The following MAGI2 variants were observed in gnomAD, a reference collection of about 807,000 sequenced individuals.
MAGI2 encodes the protein membrane associated guanylate kinase, WW and PDZ domain containing 2.
In MAGI2, 35 loss-of-function variants were observed where a neutral mutation model predicts 133.3. The ratio of observed to expected loss-of-function variants is 0.26; its 90% CI spans 0.20 to 0.35. The LOEUF is 0.35. MAGI2 is among the 10% of genes least tolerant of loss of function. The pLI is 1.00. For synonymous variants in MAGI2, 729 were observed against 710.6 expected, an observed-to-expected ratio of 1.03 and a Z score of -0.41; for missense variants, 1,636 against 1,863.4, an observed-to-expected ratio of 0.88 and a Z score of 2.25.
At chr7:78,889,534 C>A (rs1642900) in intron 2 of MAGI2, among the ~76,000 whole-genome samples, 57,920 of 152,058 alleles carry the variant, frequency 0.38, 12,471 homozygotes, top group South Asian at 0.58. Flanking sequence ...GATCTCTCAG[C>A]AGAAACTCTA....
chr7:78,415,711 G>T (rs1253607238), intron 6 of MAGI2, among the ~76,000 whole-genome samples: 2 of 152,098 alleles, frequency 1.3e-5, no homozygotes, highest in African/African-American at 4.8e-5. Flanking sequence ...AAGTAGATTT[G>T]TCAGCAGTGG....
At chr7:78,418,745 A>G (rs1474838422) in intron 6 of MAGI2, among the ~76,000 whole-genome samples, 1 of 152,158 alleles carries the variant, frequency 6.6e-6, no homozygotes, top group African/African-American at 2.4e-5. Context: ...GTCTCATCTG[A>G]AAAGGGCAAA....
intron 10 of MAGI2, among the ~76,000 whole-genome samples, chr7:78,234,549 TATA>T (rs1397102706): frequency 9.2e-6 from 1 of 109,084 alleles, no homozygotes; most frequent in Non-Finnish European, 2.2e-5. Flanking sequence ...TTATATTCAT[TATA>T]ATATAATGAA....
At chr7:78,177,808 A>G (rs903768376) in intron 14 of MAGI2, among the ~76,000 whole-genome samples, 1 of 152,202 alleles carries the variant, frequency 6.6e-6, no homozygotes, top group Non-Finnish European at 1.5e-5. Context: ...TGTGATTTCT[A>G]AAGAGATATT....
Position 78,243,224 on chromosome 7 carries a change from TACACACACACACAC to T in MAGI2, c.2047+12705_2047+12718del, listed in dbSNP as rs539437959. On this transcript the variant is annotated intron_variant, in intron 10 of 21. Transcript: ENST00000354212. ...GCAACCTACCCTCAAATGGTTCAGA[TACACACACACACAC>T]ACACACACACACACACACACACACA... is the stretch of plus-strand genomic sequence containing the variant. Among the ~76,000 whole-genome samples, 14 of 140,720 alleles carry T rather than the reference TACACACACACACAC, an allele frequency of 9.9e-5. No homozygotes were observed. The South Asian group carries it at 1.2e-3, about 12-fold the overall frequency. The allele number at this position is 140,720 out of a possible 152,430, so 92.3% of individuals were successfully genotyped here. A position where few individuals can be genotyped will look rare whatever the true frequency, so the allele number is the denominator to read the frequency against.
intron 2 of MAGI2, among the ~76,000 whole-genome samples, chr7:78,785,822 C>T (rs1583882140): frequency 1.3e-5 from 2 of 152,252 alleles, no homozygotes; most frequent in African/African-American, 4.8e-5. Flanking sequence ...AAGGGTCACC[C>T]AATATGGTGT....
chr7:78,265,051 A>T (rs1384958131), intron 9 of MAGI2, among the ~76,000 whole-genome samples: 1 of 151,862 alleles, frequency 6.6e-6, no homozygotes, highest in Non-Finnish European at 1.5e-5. Context: ...CATCTGTGTG[A>T]CCCAGTGCAG....
chr7:79,124,432 G>A (rs1460274429), intron 1 of MAGI2, among the ~76,000 whole-genome samples: 1 of 152,168 alleles, frequency 6.6e-6, no homozygotes, highest in African/African-American at 2.4e-5. Flanking sequence ...TGAAAAGGTA[G>A]TTATTTTGTC....
chr7:78,301,600 T>A (rs1228068581), intron 9 of MAGI2, among the ~76,000 whole-genome samples: 7 of 152,360 alleles, frequency 4.6e-5, no homozygotes, highest in African/African-American at 7.2e-5. Flanking sequence ...TCCTTCACAC[T>A]TCAGTCTGGT....
rs3840593 is a variant in MAGI2 at position 78,178,581 on chromosome 7, AGTGTGT to A, written c.2312-485_2312-480del. ...TATGACATGATGCATCCAGTTTAGGAGTGTGTGTGTGTGTGTGTGTGTGTGTGTAGG... is the reference window on the plus strand; with the variant it reads ...TATGACATGATGCATCCAGTTTAGGAGTGTGTGTGTGTGTGTGTGTGTAGG... On this transcript the variant is annotated intron_variant, in intron 13 of 21. Coordinates refer to ENST00000354212, the MANE Select transcript of MAGI2 (RefSeq NM_012301.4). Among the ~76,000 whole-genome samples the A allele has an allele frequency of 3.7e-3, 548 of 149,340 alleles. 2 individuals carry two copies. Among genetic ancestry groups the A allele is most frequent in the Non-Finnish European group, 6.9e-3 (462 of 67,132 alleles).
intron 2 of MAGI2, among the ~76,000 whole-genome samples, chr7:78,893,157 A>C (rs1246461321): frequency 4.6e-5 from 7 of 151,646 alleles, no homozygotes; most frequent in Admixed American, 3.9e-4. Context: ...CATCAGAGAA[A>C]TGCAAATCAA....
chr7:78,998,512 T>A (rs1294942807), intron 2 of MAGI2, among the ~76,000 whole-genome samples: 1 of 152,156 alleles, frequency 6.6e-6, no homozygotes, highest in African/African-American at 2.4e-5. Context: ...TTCCAATTCT[T>A]GGATGAGTGC....
At chr7:78,070,992 CAG>C (rs1336115997) in intron 21 of MAGI2, among the ~76,000 whole-genome samples, 1 of 152,032 alleles carries the variant, frequency 6.6e-6, no homozygotes, top group Admixed American at 6.6e-5. Context: ...ATATTTTTAT[CAG>C]AGTCTTAAAT....
In MAGI2 at chr7:79,304,193, G is replaced by GTGTGTGTGTA. The variant is rs1402252335; in HGVS notation, c.301+148826_301+148827insTACACACACA. Among the ~76,000 whole-genome samples, 12 of 20,156 alleles carry GTGTGTGTGTA rather than the reference G, an allele frequency of 6.0e-4. No individual in the cohort carries two copies. In the South Asian group the frequency reaches 0.019, roughly 31 times the overall value. 13.2% of individuals were successfully genotyped at this position (20,156 alleles called of 152,430 possible). On this transcript the variant is annotated intron_variant, in intron 1 of 21. Coordinates refer to ENST00000354212, the MANE Select transcript of MAGI2 (RefSeq NM_012301.4). ...ATTTTCAACTGGGATGTGTGTGTGT[G>GTGTGTGTGTA]TGTGTGTGTCTGTGTGTGTGTGTGT... is the stretch of plus-strand genomic sequence containing the variant.
intron 2 of MAGI2, among the ~76,000 whole-genome samples, chr7:78,753,320 A>G (rs1277555598): frequency 6.6e-6 from 1 of 152,176 alleles, no homozygotes; most frequent in Non-Finnish European, 1.5e-5. Context: ...AAAATTTAGT[A>G]TCTGAAAAAA....
rs527438026 is a variant in MAGI2 at position 79,216,011 on chromosome 7, G to A, written c.302-208805C>T. Among the ~76,000 whole-genome samples, 18 of 151,950 alleles carry A rather than the reference G, an allele frequency of 1.2e-4. 1 individual carries two copies. The East Asian group carries it at 1.6e-3, about 13-fold the overall frequency. On this transcript the variant is annotated intron_variant, in intron 1 of 21. Coordinates refer to ENST00000354212, the MANE Select transcript of MAGI2 (RefSeq NM_012301.4). ...AACCCCAAGCCTGGAAACCCGCAGC[G>A]CTAAATGGGAACAGACATTCCTGTT...
chr7:78,188,453 G>T (rs1297786177), intron 12 of MAGI2, among the ~76,000 whole-genome samples: 1 of 152,112 alleles, frequency 6.6e-6, no homozygotes, highest in East Asian at 1.9e-4. Flanking sequence ...CATGAGAAAA[G>T]GTTGCAGAAA....
rs569813150 is a variant in MAGI2 at position 78,106,031 on chromosome 7, C to T, written c.3567+19663G>A. Reference sequence around the variant, plus strand: ...TCTGCCTGCTTCACTTCCCAGTCTCCGGTAATTATCATTCAAATCTCTGTC... The same window carrying T: ...TCTGCCTGCTTCACTTCCCAGTCTCTGGTAATTATCATTCAAATCTCTGTC... On this transcript the variant is annotated intron_variant, in intron 20 of 21. Transcript: ENST00000354212. Among the ~76,000 whole-genome samples the T allele has an allele frequency of 3.0e-4, 45 of 152,060 alleles. 1 individual carries two copies. The South Asian group carries it at 5.4e-3, about 18-fold the overall frequency.
chr7:78,910,370 T>C (rs1372791169), intron 2 of MAGI2, among the ~76,000 whole-genome samples: 1 of 151,908 alleles, frequency 6.6e-6, no homozygotes, highest in Non-Finnish European at 1.5e-5. Context: ...TTGGTATCCA[T>C]TATGCCATTT....
Sources: gnomAD v4.1 joint callset for allele counts (sites outside exome capture counted in the v4.1 genomes callset) on GRCh38, gnomAD v4.1.1 for gene constraint, MANE v1.5 for transcripts, NCBI Gene and HGNC (gene_info 2026-07-23, HGNC 2026-07-21) for gene names.